TAFA2: variants seen among roughly 807,000 people sequenced by gnomAD.
TAFA2 encodes the protein chemokine-like protein TAFA-2.
In TAFA2, 7 loss-of-function variants were observed where a neutral mutation model predicts 18.8. The observed-to-expected ratio is 0.37, with a 90% CI of 0.21 to 0.70. The LOEUF is 0.70. Among genes scored for constraint, TAFA2 ranks in the 30% least tolerant of loss-of-function variants. TAFA2 has a pLI of 0.53. For synonymous variants in TAFA2, 60 were observed against 54.2 expected (o/e 1.11, Z -0.47); for missense variants, 122 against 158.1 (o/e 0.77, Z 1.23).
chr12:61,716,002 T>G (rs187611651), intron 4 of TAFA2, among the ~76,000 whole-genome samples: 1 of 152,266 alleles, frequency 6.6e-6, no homozygotes, highest in Non-Finnish European at 1.5e-5. Context: ...TTTTCAATGC[T>G]CAGTTCTGCT....
intron 1 of TAFA2, among the ~76,000 whole-genome samples, chr12:62,097,975 T>C (rs1869021680): frequency 6.6e-6 from 1 of 152,114 alleles, no homozygotes; most frequent in Non-Finnish European, 1.5e-5. Context: ...TTCCACTATA[T>C]TAAAAAGAGA....
At chr12:62,011,164 T>C (rs1392048480) in intron 1 of TAFA2, among the ~76,000 whole-genome samples, 5 of 134,352 alleles carry the variant, frequency 3.7e-5, no homozygotes, top group East Asian at 2.4e-4. Flanking sequence ...AAATGAGGAG[T>C]GCCTCTGCCC....
intron 1 of TAFA2, among the ~76,000 whole-genome samples, chr12:62,153,222 T>C (rs984221431): frequency 2.0e-5 from 3 of 152,152 alleles, no homozygotes; most frequent in African/African-American, 7.2e-5. Context: ...CAGGTGTTTG[T>C]CACACTTGAA....
chr12:61,895,674 G>A (rs1875810128), intron 1 of TAFA2, among the ~76,000 whole-genome samples: 1 of 152,062 alleles, frequency 6.6e-6, no homozygotes, highest in South Asian at 2.1e-4. Context: ...CATAAACTGG[G>A]GCAATCTCTT....
intron 1 of TAFA2, among the ~76,000 whole-genome samples, chr12:62,051,739 A>G (rs1882060182): frequency 6.6e-6 from 1 of 151,772 alleles, no homozygotes; most frequent in Admixed American, 6.5e-5. Flanking sequence ...ATAGTGCCTG[A>G]TTCACTGGGG....
At position 61,812,653 on chromosome 12, in the gene TAFA2, T is replaced by C. The variant is rs1232536925; in HGVS notation, c.106+54667A>G. ...GGCACAATCTTAGCTCACTACAACC[T>C]CTGACTCCAGGATTCAAGTGATTCT... is the stretch of plus-strand genomic sequence containing the variant. On this transcript the variant is annotated intron_variant, in intron 2 of 4. Coordinates refer to ENST00000416284, the MANE Select transcript of TAFA2 (RefSeq NM_178539.5). Among the ~76,000 whole-genome samples, 3 of 148,874 alleles carry C rather than the reference T, an allele frequency of 2.0e-5. 1 individual carries two copies. The highest frequency in any genetic ancestry group is 7.6e-5 in the African/African-American group (3 of 39,314).
At chr12:62,043,987 C>T (rs1231095806) in intron 1 of TAFA2, among the ~76,000 whole-genome samples, 2 of 152,094 alleles carry the variant, frequency 1.3e-5, no homozygotes, top group Non-Finnish European at 2.9e-5. Flanking sequence ...ATATAATCCC[C>T]TTCAATTCAC....
intron 4 of TAFA2, among the ~76,000 whole-genome samples, chr12:61,726,401 T>C (rs1870169540): frequency 6.6e-6 from 1 of 152,172 alleles, no homozygotes; most frequent in Non-Finnish European, 1.5e-5. Context: ...GTGTCGTCTA[T>C]GATTTCTTTC....
At chr12:61,950,125 T>TTC (rs1166104286) in intron 1 of TAFA2, among the ~76,000 whole-genome samples, 2 of 152,150 alleles carry the variant, frequency 1.3e-5, no homozygotes, top group Non-Finnish European at 2.9e-5. Flanking sequence ...TGAATGATAT[T>TTC]TCATTGCATA....
intron 1 of TAFA2, among the ~76,000 whole-genome samples, chr12:62,130,462 A>G (rs1254581290): frequency 6.6e-6 from 1 of 152,028 alleles, no homozygotes; most frequent in Admixed American, 6.6e-5. Flanking sequence ...AATATTGCAA[A>G]TAAAGAAAGA....
At chr12:61,905,422 A>G (rs4763030) in intron 1 of TAFA2, among the ~76,000 whole-genome samples, 41,558 of 152,072 alleles carry the variant, frequency 0.27, 6,120 homozygotes, top group East Asian at 0.44. Flanking sequence ...AGAGAGTTAT[A>G]AATAACAATG....
chr12:62,192,929 GA>G (rs1449869310), upstream of TAFA2: 1 of 151,942 alleles, frequency 6.6e-6, no homozygotes, highest in African/African-American at 2.4e-5. Context: ...TAAAGAAAAA[GA>G]AAAAAATATC....
At position 62,131,968 on chromosome 12, in the gene TAFA2, C is replaced by T. The variant is rs1373402675; in HGVS notation, c.-2+59291G>A. Among the ~76,000 whole-genome samples the T allele has an allele frequency of 2.0e-5, 3 of 151,654 alleles. No individual in the cohort carries two copies. In the East Asian group the frequency reaches 5.8e-4, roughly 29 times the overall value. ...CCAGGTCAGCTTTTGTATTTGAAAACCCTTGATGTTCAAAGCATGCATTTA... is the reference window on the plus strand; with the variant it reads ...CCAGGTCAGCTTTTGTATTTGAAAATCCTTGATGTTCAAAGCATGCATTTA... On this transcript the variant is annotated intron_variant, in intron 1 of 4. Coordinates refer to ENST00000416284, the MANE Select transcript of TAFA2 (RefSeq NM_178539.5).
chr12:62,083,981 A>T (rs1868363884), intron 1 of TAFA2, among the ~76,000 whole-genome samples: 1 of 152,194 alleles, frequency 6.6e-6, no homozygotes, highest in Non-Finnish European at 1.5e-5. Context: ...AGACACATAC[A>T]AGAAAAGATA....
chr12:61,928,559 C>T (rs1212624959), intron 1 of TAFA2, among the ~76,000 whole-genome samples: 1 of 152,272 alleles, frequency 6.6e-6, no homozygotes, highest in South Asian at 2.1e-4. Flanking sequence ...TGCTTTTACA[C>T]TGTTGTGGGA....
At chr12:61,929,421 C>T (rs1416541263) in intron 1 of TAFA2, among the ~76,000 whole-genome samples, 1 of 152,058 alleles carries the variant, frequency 6.6e-6, no homozygotes, top group Admixed American at 6.6e-5. Flanking sequence ...TCATCACTGG[C>T]CATCAGAAAA....
chr12:62,152,173 T>C (rs1337281025), intron 1 of TAFA2, among the ~76,000 whole-genome samples: 1 of 152,184 alleles, frequency 6.6e-6, no homozygotes, highest in Non-Finnish European at 1.5e-5. Context: ...CCTGCCACAC[T>C]CATTAGAGAG....
At chr12:62,022,045 T>C (rs1881159160) in intron 1 of TAFA2, 9 of 592,426 alleles carry the variant, frequency 1.5e-5, no homozygotes, top group South Asian at 1.4e-4. Flanking sequence ...CATAAAGCTC[T>C]ACACTGCCCT....
intron 1 of TAFA2, among the ~76,000 whole-genome samples, chr12:61,976,238 A>G (rs1879430061): frequency 6.6e-6 from 1 of 151,854 alleles, no homozygotes; most frequent in Non-Finnish European, 1.5e-5. Flanking sequence ...GGACTCATTA[A>G]TTACCCAATC....
Sources: allele counts gnomAD v4.1 joint callset (sites outside exome capture counted in the v4.1 genomes callset), GRCh38; gene constraint gnomAD v4.1.1; transcripts MANE v1.5; gene names NCBI Gene and HGNC (gene_info 2026-07-23, HGNC 2026-07-21).